The following UBE2F variants were observed in gnomAD, a reference collection of about 807,000 sequenced individuals.
UBE2F encodes the protein NEDD8-conjugating enzyme UBE2F.
In UBE2F, 5 loss-of-function variants were observed where a neutral mutation model predicts 29.6. The ratio of observed to expected loss-of-function variants is 0.17; its 90% CI spans 0.09 to 0.36. UBE2F has a LOEUF of 0.36. UBE2F is among the 10% of genes least tolerant of loss of function. The pLI is 1.00. For synonymous variants in UBE2F, 66 were observed against 81.8 expected (o/e 0.81, Z 1.04); for missense variants, 141 against 228.5 (o/e 0.62, Z 2.47).
intron 4 of UBE2F, among the ~76,000 whole-genome samples, chr2:237,998,397 A>G (rs2063728774): frequency 6.6e-6 from 1 of 152,084 alleles, no homozygotes; most frequent in Admixed American, 6.6e-5. Flanking sequence ...TTTATATGTA[A>G]ATGGAATCTT....
intron 4 of UBE2F, among the ~76,000 whole-genome samples, chr2:238,010,760 A>G (rs541368157): frequency 1.3e-5 from 2 of 151,490 alleles, no homozygotes; most frequent in Non-Finnish European, 2.9e-5. Flanking sequence ...TCTCTATCCA[A>G]CCTCTCCCAG....
At chr2:238,029,052 G>A (rs2064505047) in intron 6 of UBE2F, 1 of 151,828 alleles carries the variant, frequency 6.6e-6, no homozygotes. Context: ...TATGTGCTGC[G>A]GAAGTGAGCA....
chr2:237,972,577 G>T (rs1246793373), intron 1 of UBE2F, among the ~76,000 whole-genome samples: 3 of 125,880 alleles, frequency 2.4e-5, no homozygotes, highest in Admixed American at 9.7e-5. Flanking sequence ...TTGAGACAGG[G>T]TCTTGCCGTG....
chr2:237,978,644 G>T (rs951933418), intron 2 of UBE2F, among the ~76,000 whole-genome samples: 1 of 152,208 alleles, frequency 6.6e-6, no homozygotes, highest in Non-Finnish European at 1.5e-5. Flanking sequence ...CTCTGGGCTG[G>T]AGCTGGAGTG....
intron 9 of UBE2F, among the ~76,000 whole-genome samples, chr2:238,038,002 G>A (rs775288163): frequency 7.9e-5 from 12 of 152,182 alleles, no homozygotes; most frequent in East Asian, 1.9e-4. Context: ...TGTGTGCCGC[G>A]ACCAAGTAGG....
rs551033180 is a variant in UBE2F, at chr2:238,041,441, C to A, written c.*103C>A. ...TCCCGTCCTCATGCTCCCTCTCAGT[C>A]CCCTGGATTGCCCCAGTCCTGTGAC... On this transcript the variant is annotated 3_prime_UTR_variant, in exon 10 of 10. Transcript: ENST00000272930. 3 of 1,197,274 alleles carry A rather than the reference C, an allele frequency of 2.5e-6. No homozygotes were observed. The highest frequency in any genetic ancestry group is 2.6e-5 in the South Asian group (2 of 77,888). 74.2% of individuals were successfully genotyped at this position (1,197,274 alleles called of 1,614,324 possible).
intron 4 of UBE2F, among the ~76,000 whole-genome samples, chr2:238,003,945 G>C (rs139951126): frequency 6.6e-6 from 1 of 152,046 alleles, no homozygotes; most frequent in Non-Finnish European, 1.5e-5. Flanking sequence ...GGCAATCATC[G>C]ACCTGATTTC....
intron 5 of UBE2F, 26 bp downstream of exon 5, chr2:238,016,659 G>T (rs774057093): frequency 2.0e-5 from 32 of 1,596,596 alleles, no homozygotes; most frequent in Non-Finnish European, 2.4e-5. Context: ...TGAGCCTGTT[G>T]TTTTACTTCT....
intron 4 of UBE2F, among the ~76,000 whole-genome samples, chr2:238,001,103 C>T (rs571722326): frequency 2.9e-5 from 4 of 139,658 alleles, no homozygotes; most frequent in Admixed American, 7.6e-5. Context: ...GGTGCAATCT[C>T]GGCTCACCGC....
chr2:238,017,396 G>A (rs1335812407), intron 5 of UBE2F, among the ~76,000 whole-genome samples: 2 of 152,234 alleles, frequency 1.3e-5, no homozygotes, highest in Non-Finnish European at 2.9e-5. Flanking sequence ...GGTGACAGGT[G>A]TGGACATGAG....
At chr2:238,001,450 A>T (rs934588506) in intron 4 of UBE2F, among the ~76,000 whole-genome samples, 2 of 152,182 alleles carry the variant, frequency 1.3e-5, no homozygotes, top group African/African-American at 4.8e-5. Flanking sequence ...AAAAATTCTG[A>T]TTAGAGACTT....
chr2:237,968,722 A>C (rs2063111465), intron 1 of UBE2F: 1 of 344,602 alleles, frequency 2.9e-6, no homozygotes, highest in Admixed American at 6.5e-5. Context: ...CACCCAGAGG[A>C]GGAACCTAAC....
At chr2:238,007,261 A>G (rs1243815051) in intron 4 of UBE2F, among the ~76,000 whole-genome samples, 2 of 152,118 alleles carry the variant, frequency 1.3e-5, no homozygotes, top group African/African-American at 4.8e-5. Flanking sequence ...AGCTGGGACT[A>G]CAGGTGCCCA....
chr2:238,041,001 C>T (rs570861685), intron 9 of UBE2F, among the ~76,000 whole-genome samples: 1 of 152,300 alleles, frequency 6.6e-6, no homozygotes, highest in East Asian at 1.9e-4. Flanking sequence ...GCTCCACTTT[C>T]CCCATCTGGA....
intron 8 of UBE2F, among the ~76,000 whole-genome samples, chr2:238,033,018 GC>G (rs1431281346): frequency 2.0e-5 from 3 of 152,270 alleles, no homozygotes; most frequent in Non-Finnish European, 4.4e-5. Flanking sequence ...CAGCAGGGTG[GC>G]TGTTACTCTG....
intron 4 of UBE2F, among the ~76,000 whole-genome samples, chr2:238,000,534 C>T (rs1461779274): frequency 3.9e-5 from 6 of 152,174 alleles, no homozygotes; most frequent in Admixed American, 6.5e-5. Flanking sequence ...ATTGTATGGA[C>T]GCATACCAGT....
chr2:238,030,370 A>G (rs2064545159), intron 6 of UBE2F, among the ~76,000 whole-genome samples, 186 bp from the exon 7 acceptor site: 1 of 152,188 alleles, frequency 6.6e-6, no homozygotes, highest in Admixed American at 6.5e-5. Flanking sequence ...TTATAATTGA[A>G]TATGTATATA....
chr2:238,006,497 CA>C (rs569792058), intron 4 of UBE2F, among the ~76,000 whole-genome samples: 155 of 152,306 alleles, frequency 1.0e-3, no homozygotes, highest in African/African-American at 3.4e-3. Context: ...CATAAAAATA[CA>C]GCTGATTTTT....
At chr2:238,037,699 G>A (rs950341679) in intron 9 of UBE2F, among the ~76,000 whole-genome samples, 3 of 152,024 alleles carry the variant, frequency 2.0e-5, no homozygotes, top group African/African-American at 4.8e-5. Context: ...TCTATCTCCC[G>A]GGTTCAGGCA....
Sources: gnomAD v4.1 joint callset for allele counts (sites outside exome capture counted in the v4.1 genomes callset) on GRCh38, gnomAD v4.1.1 for gene constraint, MANE v1.5 for transcripts, NCBI Gene and HGNC (gene_info 2026-07-23, HGNC 2026-07-21) for gene names.